R3HDM2: variants seen among roughly 807,000 people sequenced by gnomAD.
R3HDM2 encodes the protein R3H domain-containing protein 2.
R3HDM2 carries 38 observed loss-of-function variants against 124.5 expected under a neutral mutation model. That is an observed-to-expected ratio of 0.31 (90% CI 0.24 to 0.40). The LOEUF (loss-of-function observed/expected upper bound fraction) is 0.40, where lower values mean the gene tolerates loss of function less well. Among genes scored for constraint, R3HDM2 ranks in the 10% least tolerant of loss-of-function variants. The probability of loss-of-function intolerance (pLI) is 1.00; values close to 1 mark genes in which losing one functional copy is unlikely to be tolerated. For missense variants in R3HDM2, 869 were observed against 1,236.9 expected, an observed-to-expected ratio of 0.70 and a Z score of 4.46; for synonymous variants, 391 against 448.0, an observed-to-expected ratio of 0.87 and a Z score of 1.61.
At chr12:57,357,016 T>C (rs941384124) in intron 2 of R3HDM2, among the ~76,000 whole-genome samples, 1 of 151,680 alleles carries the variant, frequency 6.6e-6, no homozygotes, top group African/African-American at 2.4e-5. Flanking sequence ...GGCAGGAGAA[T>C]GGCGTGAACC....
chr12:57,270,526 T>G (rs1175601550), intron 14 of R3HDM2, among the ~76,000 whole-genome samples: 9 of 152,116 alleles, frequency 5.9e-5, no homozygotes, highest in Admixed American at 6.6e-5. Flanking sequence ...GCCACCCAGG[T>G]TCAAGCAATT....
chr12:57,381,003 A>C (rs957490235), intron 2 of R3HDM2, among the ~76,000 whole-genome samples: 2 of 149,524 alleles, frequency 1.3e-5, no homozygotes, highest in African/African-American at 4.9e-5. Context: ...GCAGAGACGG[A>C]AGGATCACCT....
chr12:57,399,337 G>C (rs561342680), intron 1 of R3HDM2, among the ~76,000 whole-genome samples: 1 of 152,154 alleles, frequency 6.6e-6, no homozygotes, highest in Non-Finnish European at 1.5e-5. Context: ...GAGAGGTGGA[G>C]GTTGCAGTGA....
intron 2 of R3HDM2, among the ~76,000 whole-genome samples, chr12:57,366,979 G>C (rs560268465): frequency 1.3e-5 from 2 of 152,226 alleles, no homozygotes; most frequent in South Asian, 4.2e-4. Flanking sequence ...GAGCCACCAC[G>C]CCCAGTCTGG....
intron 12 of R3HDM2, among the ~76,000 whole-genome samples, chr12:57,286,720 A>G (rs1020502064): frequency 1.1e-4 from 16 of 152,128 alleles, no homozygotes; most frequent in African/African-American, 3.6e-4. Context: ...CTCTACTAAA[A>G]ACACAAAATT....
At chr12:57,359,953 T>C (rs1416930525) in intron 2 of R3HDM2, among the ~76,000 whole-genome samples, 3 of 149,018 alleles carry the variant, frequency 2.0e-5, no homozygotes, top group Admixed American at 6.8e-5. Flanking sequence ...AATACAGGCT[T>C]GAACTGCACA....
intron 2 of R3HDM2, among the ~76,000 whole-genome samples, chr12:57,316,983 G>A (rs1434058574): frequency 6.6e-6 from 1 of 152,022 alleles, no homozygotes; most frequent in African/African-American, 2.4e-5. Context: ...CTGACCTCAG[G>A]TAATCCACCC....
intron 14 of R3HDM2, among the ~76,000 whole-genome samples, chr12:57,271,343 A>C (rs931161903): frequency 6.6e-6 from 1 of 152,102 alleles, no homozygotes; most frequent in African/African-American, 2.4e-5. Context: ...TCTCTTTCCT[A>C]AGCAGCAAGG....
chr12:57,386,441 G>C (rs1163005184), intron 2 of R3HDM2, among the ~76,000 whole-genome samples: 1 of 152,252 alleles, frequency 6.6e-6, no homozygotes, highest in Non-Finnish European at 1.5e-5. Context: ...GGCAGTGAGG[G>C]GCTTAGCACC....
At chr12:57,383,582 C>T (rs1385934863) in intron 2 of R3HDM2, among the ~76,000 whole-genome samples, 1 of 152,004 alleles carries the variant, frequency 6.6e-6, no homozygotes, top group African/African-American at 2.4e-5. Context: ...ATGGTGGGTG[C>T]CTGTAATCCC....
intron 2 of R3HDM2, among the ~76,000 whole-genome samples, chr12:57,386,960 T>A (rs1026993890): frequency 1.3e-5 from 2 of 152,154 alleles, no homozygotes; most frequent in Non-Finnish European, 2.9e-5. Context: ...TTTGGCACTC[T>A]GTATCTAGCT....
intron 1 of R3HDM2, among the ~76,000 whole-genome samples, chr12:57,405,046 A>G (rs1421817574): frequency 1.3e-5 from 2 of 151,834 alleles, no homozygotes; most frequent in Non-Finnish European, 2.9e-5. Flanking sequence ...CTCTTTTTTC[A>G]AGACAGGGTC....
intron 2 of R3HDM2, among the ~76,000 whole-genome samples, chr12:57,338,075 G>A (rs144221241): frequency 0.012 from 1,830 of 152,300 alleles, 30 homozygotes; most frequent in African/African-American, 0.042. Flanking sequence ...AGGCTGAGAT[G>A]GGCGGATCAC....
chr12:57,405,640 A>C (rs572201132), intron 1 of R3HDM2, among the ~76,000 whole-genome samples: 15 of 152,302 alleles, frequency 9.8e-5, no homozygotes, highest in Non-Finnish European at 1.9e-4. Flanking sequence ...TCAAAAAAAG[A>C]AGACAGACCA....
chr12:57,352,338 G>A (rs1338450508), intron 2 of R3HDM2, among the ~76,000 whole-genome samples: 1 of 151,514 alleles, frequency 6.6e-6, no homozygotes, highest in Non-Finnish European at 1.5e-5. Context: ...CCAAACAAAT[G>A]GAGTCATAGA....
At chr12:57,420,467 CCTCCTCCTTGAAA>C (rs2070080131) in intron 1 of R3HDM2, among the ~76,000 whole-genome samples, 1 of 151,752 alleles carries the variant, frequency 6.6e-6, no homozygotes, top group Non-Finnish European at 1.5e-5. Flanking sequence ...CTACTGCCTT[CCTCCTCCTTGAAA>C]CTCCTCCTAC....
chr12:57,384,362 AAAAAG>A (rs1022368618), intron 2 of R3HDM2, among the ~76,000 whole-genome samples: 1 of 151,936 alleles, frequency 6.6e-6, no homozygotes, highest in African/African-American at 2.4e-5. Flanking sequence ...TCAAAAAAAA[AAAAAG>A]AAAAGAAAAG....
At chr12:57,347,003 A>T (rs1273673986) in intron 2 of R3HDM2, among the ~76,000 whole-genome samples, 1 of 152,066 alleles carries the variant, frequency 6.6e-6, no homozygotes, top group Admixed American at 6.6e-5. Flanking sequence ...CCAGCATGTA[A>T]GGAGGCTGAG....
chr12:57,308,162 C>T (rs1258154042), intron 3 of R3HDM2, among the ~76,000 whole-genome samples: 1 of 150,344 alleles, frequency 6.7e-6, no homozygotes, highest in African/African-American at 2.5e-5. Context: ...TCAAGCAATT[C>T]TCCTGCCTCA....
Sources: allele counts gnomAD v4.1 joint callset (sites outside exome capture counted in the v4.1 genomes callset), GRCh38; gene constraint gnomAD v4.1.1; transcripts MANE v1.5; gene names NCBI Gene and HGNC (gene_info 2026-07-23, HGNC 2026-07-21).